The following SNTG1 variants were observed in gnomAD, a reference collection of about 807,000 sequenced individuals.
The protein encoded by SNTG1 is syntrophin gamma 1, also known as gamma-1-syntrophin.
SNTG1 carries 39 observed loss-of-function variants against 74.7 expected under a neutral mutation model. The ratio of observed to expected loss-of-function variants is 0.52; its 90% CI spans 0.40 to 0.68. The LOEUF is 0.68. Ranked by LOEUF, SNTG1 falls within the 30% of genes least tolerant of loss-of-function variation. SNTG1 has a pLI of 0.00. For missense variants in SNTG1, 685 were observed against 609.5 expected, an observed-to-expected ratio of 1.12 and a Z score of -1.30; for synonymous variants, 254 against 217.1, an observed-to-expected ratio of 1.17 and a Z score of -1.49.
intron 15 of SNTG1, among the ~76,000 whole-genome samples, chr8:50,667,755 A>G (rs1404674243): frequency 6.6e-6 from 1 of 151,976 alleles, no homozygotes; most frequent in Non-Finnish European, 1.5e-5. Context: ...ATCCATTTTC[A>G]TTTTTAAAGT....
At chr8:50,116,548 C>A (rs776527180) in intron 1 of SNTG1, among the ~76,000 whole-genome samples, 1 of 152,146 alleles carries the variant, frequency 6.6e-6, no homozygotes, top group Non-Finnish European at 1.5e-5. Flanking sequence ...TCAGTCATTG[C>A]GTACCTAATT....
chr8:50,452,596 T>C (rs2131633365), intron 8 of SNTG1, among the ~76,000 whole-genome samples: 1 of 152,318 alleles, frequency 6.6e-6, no homozygotes, highest in African/African-American at 2.4e-5. Context: ...GCATGAAAGA[T>C]TAGAACGCAC....
At chr8:50,229,186 G>T (rs1294197804) in intron 2 of SNTG1, among the ~76,000 whole-genome samples, 1 of 151,362 alleles carries the variant, frequency 6.6e-6, no homozygotes, top group Non-Finnish European at 1.5e-5. Flanking sequence ...CACTAAGACA[G>T]AAAAAGAGGG....
At chr8:50,339,916 T>C (rs147094490) in intron 2 of SNTG1, among the ~76,000 whole-genome samples, 27 of 151,806 alleles carry the variant, frequency 1.8e-4, no homozygotes, top group African/African-American at 5.8e-4. Flanking sequence ...AAACTATGTA[T>C]TGTGTACAAG....
At chr8:50,176,338 C>G (rs1467316926) in intron 2 of SNTG1, among the ~76,000 whole-genome samples, 1 of 152,154 alleles carries the variant, frequency 6.6e-6, no homozygotes, top group Non-Finnish European at 1.5e-5. Flanking sequence ...ATTGACTTCA[C>G]TTGGAAATCA....
intron 2 of SNTG1, among the ~76,000 whole-genome samples, chr8:50,274,167 AC>A (rs2087949064): frequency 6.6e-6 from 1 of 151,798 alleles, no homozygotes; most frequent in African/African-American, 2.4e-5. Flanking sequence ...GGCTCACTGC[AC>A]CCTCGCCTCC....
chr8:50,646,854 T>C (rs1307789317), intron 13 of SNTG1, among the ~76,000 whole-genome samples: 1 of 152,078 alleles, frequency 6.6e-6, no homozygotes, highest in Non-Finnish European at 1.5e-5. Flanking sequence ...AGTGTTGTAT[T>C]CAGTGAGAAG....
chr8:50,257,614 T>C (rs2086949560), intron 2 of SNTG1, among the ~76,000 whole-genome samples: 2 of 152,224 alleles, frequency 1.3e-5, no homozygotes, highest in South Asian at 4.1e-4. Flanking sequence ...TCAATCTTTT[T>C]GAATTTTTGC....
chr8:49,995,772 T>C (rs1814151362), intron 1 of SNTG1, among the ~76,000 whole-genome samples: 4 of 152,210 alleles, frequency 2.6e-5, no homozygotes. Context: ...CTCCATGCCT[T>C]ATGCTCAGGC....
At chr8:50,467,311 A>G (rs1280653703) in intron 8 of SNTG1, among the ~76,000 whole-genome samples, 3 of 151,946 alleles carry the variant, frequency 2.0e-5, no homozygotes, top group Non-Finnish European at 4.4e-5. Context: ...TTCTTTTTGT[A>G]ATGTTATTAT....
intron 1 of SNTG1, among the ~76,000 whole-genome samples, chr8:49,960,158 G>T (rs1810549542): frequency 6.6e-6 from 1 of 152,124 alleles, no homozygotes; most frequent in African/African-American, 2.4e-5. Flanking sequence ...AATAGATTTG[G>T]TTTCCAAACA....
intron 1 of SNTG1, among the ~76,000 whole-genome samples, chr8:50,012,453 A>G (rs1815904842): frequency 1.3e-5 from 2 of 152,200 alleles, no homozygotes; most frequent in Non-Finnish European, 1.5e-5. Context: ...AATCACTTAC[A>G]TTTGTACAAA....
intron 2 of SNTG1, among the ~76,000 whole-genome samples, chr8:50,325,228 T>G (rs1201062765): frequency 2.0e-5 from 3 of 151,676 alleles, no homozygotes; most frequent in Admixed American, 2.0e-4. Flanking sequence ...CAATCTTAAC[T>G]TTAGAATCAG....
chr8:50,780,758 T>C (rs2095656820), intron 18 of SNTG1, among the ~76,000 whole-genome samples: 1 of 152,192 alleles, frequency 6.6e-6, no homozygotes, highest in Non-Finnish European at 1.5e-5. Flanking sequence ...TTTGAATGTG[T>C]TTGCTCTTGT....
At chr8:50,700,206 C>A (rs556239761) in intron 15 of SNTG1, among the ~76,000 whole-genome samples, 2 of 152,014 alleles carry the variant, frequency 1.3e-5, no homozygotes, top group African/African-American at 4.8e-5. Flanking sequence ...CTAGTCAATG[C>A]CAGTCTCTAA....
intron 8 of SNTG1, among the ~76,000 whole-genome samples, chr8:50,472,678 T>A (rs568912516): frequency 3.9e-4 from 59 of 152,016 alleles, no homozygotes; most frequent in Admixed American, 1.4e-3. Context: ...TTGTACTAAA[T>A]CAAAATGAAA....
chr8:50,077,610 A>G (rs938126337), intron 1 of SNTG1, among the ~76,000 whole-genome samples: 4 of 152,198 alleles, frequency 2.6e-5, no homozygotes, highest in African/African-American at 7.2e-5. Flanking sequence ...ACCCATTGCA[A>G]CAGATAAGTT....
intron 1 of SNTG1, among the ~76,000 whole-genome samples, chr8:49,980,521 CAAAAAAAAAAAA>C (rs565561398): frequency 2.4e-4 from 13 of 53,840 alleles, no homozygotes; most frequent in African/African-American, 8.8e-4. Context: ...GACTCCTTCG[CAAAAAAAAAAAA>C]AAAAAAAAAA....
At chr8:50,133,954 G>C (rs928436056) in intron 1 of SNTG1, among the ~76,000 whole-genome samples, 2 of 152,164 alleles carry the variant, frequency 1.3e-5, no homozygotes, top group African/African-American at 4.8e-5. Context: ...CAGAGAAAAG[G>C]ACAGCTAGTC....
Sources: gnomAD v4.1 joint callset for allele counts (sites outside exome capture counted in the v4.1 genomes callset) on GRCh38, gnomAD v4.1.1 for gene constraint, MANE v1.5 for transcripts, NCBI Gene and HGNC (gene_info 2026-07-23, HGNC 2026-07-21) for gene names.